FRMD4B: variants seen among roughly 807,000 people sequenced by gnomAD.
The protein encoded by FRMD4B is FERM domain-containing protein 4B.
FRMD4B carries 74 observed loss-of-function variants against 141.5 expected under a neutral mutation model. That is an observed-to-expected ratio of 0.52 (90% confidence interval 0.43 to 0.63). The LOEUF (loss-of-function observed/expected upper bound fraction) is 0.63. Among genes scored for constraint, FRMD4B ranks in the 30% least tolerant of loss-of-function variants. The pLI is 0.00. For missense variants in FRMD4B, 1,366 were observed against 1,253.4 expected (o/e 1.09, Z -1.36); for synonymous variants, 506 against 467.9 (o/e 1.08, Z -1.05).
Position 69,344,016 on chromosome 3 carries a change from C to T in FRMD4B, c.163-30499G>A, listed in dbSNP as rs78734554. 8.2e-3 allele frequency among the ~76,000 whole-genome samples: 1,247 copies of T among 152,238 alleles called. 25 individuals carry two copies. Among genetic ancestry groups the T allele is most frequent in the African/African-American group, 0.028 (1,170 of 41,538 alleles). On this transcript the variant is annotated intron_variant, in intron 1 of 22. Coordinates refer to ENST00000398540, the MANE Select transcript of FRMD4B (RefSeq NM_015123.3). The stretch of plus-strand genomic sequence containing the variant: ...CTGCATCTTATTCACCTCTGTAAGC[C>T]GAAGCCTGACACATTGCTGGTGCAG...
At chr3:69,200,358 T>C (rs973432401) in intron 11 of FRMD4B, 2 of 873,852 alleles carry the variant, frequency 2.3e-6, no homozygotes, top group South Asian at 5.0e-5. Flanking sequence ...AATAAAAGTA[T>C]AAAGTTACAT....
chr3:69,193,884 A>G lies in FRMD4B; in HGVS notation c.1489-11T>C. 1 of 1,521,248 alleles carries G rather than the reference A, an allele frequency of 6.6e-7. No homozygotes were observed. Among genetic ancestry groups the G allele is most frequent in the Non-Finnish European group, 9.1e-7 (1 of 1,103,750 alleles). The allele number at this position is 1,521,248 out of a possible 1,614,324, so 94.2% of individuals were successfully genotyped here. A position where few individuals can be genotyped will look rare whatever the true frequency, so the allele number is the denominator to read the frequency against. On this transcript the variant is annotated splice_polypyrimidine_tract_variant and intron_variant, in intron 16 of 22. Coordinates refer to ENST00000398540, the MANE Select transcript of FRMD4B (RefSeq NM_015123.3). ...TTGCAAAGCAGGATCCTGCATTTAT[A>G]CAATGATAGTTTTATTTTTATGGAC...
chr3:69,536,917 T>A (rs1436132698), intron 1 of FRMD4B, among the ~76,000 whole-genome samples: 3 of 152,002 alleles, frequency 2.0e-5, no homozygotes, highest in African/African-American at 4.8e-5. Flanking sequence ...CAGGTAATTT[T>A]AAAAATTTTA....
intron 9 of FRMD4B, 144 bp from the exon 10 acceptor site, chr3:69,218,523 A>G (rs893012029): frequency 4.9e-5 from 27 of 554,898 alleles, no homozygotes; most frequent in South Asian, 1.0e-4. Context: ...AACAGAATAA[A>G]CCATTTTGGG....
chr3:69,383,145 G>A (rs929723849), intron 1 of FRMD4B, among the ~76,000 whole-genome samples: 20 of 152,286 alleles, frequency 1.3e-4, no homozygotes, highest in African/African-American at 4.6e-4. Context: ...TATAAATGAT[G>A]AAGCTGAAGT....
chr3:69,281,324 G>C (rs2093643514), intron 5 of FRMD4B, among the ~76,000 whole-genome samples: 1 of 152,140 alleles, frequency 6.6e-6, no homozygotes, highest in Non-Finnish European at 1.5e-5. Context: ...GTGTTATTCA[G>C]TAATACCTGG....
chr3:69,258,174 C>G (rs1216871891), intron 5 of FRMD4B, among the ~76,000 whole-genome samples: 1 of 152,134 alleles, frequency 6.6e-6, no homozygotes, highest in African/African-American at 2.4e-5. Context: ...CCATGTTGCC[C>G]AGGTTGGTCT....
intron 1 of FRMD4B, among the ~76,000 whole-genome samples, chr3:69,490,301 A>G (rs1346627969): frequency 1.3e-5 from 2 of 152,246 alleles, no homozygotes; most frequent in Non-Finnish European, 2.9e-5. Context: ...AGTTTTCAGC[A>G]CTAGCCAGAA....
chr3:69,409,281 G>C (rs1302191260), intron 2 of FRMD4B, among the ~76,000 whole-genome samples: 1 of 152,152 alleles, frequency 6.6e-6, no homozygotes, highest in African/African-American at 2.4e-5. Flanking sequence ...TCTTTGAGTT[G>C]GAGAAGCAAA....
intron 2 of FRMD4B, among the ~76,000 whole-genome samples, chr3:69,430,015 C>A (rs1345927421): frequency 2.6e-5 from 4 of 152,040 alleles, no homozygotes; most frequent in African/African-American, 9.7e-5. Flanking sequence ...CCCACCTCAG[C>A]CTCCCAAAGT....
chr3:69,479,707 G>T (rs1157002800), intron 1 of FRMD4B, among the ~76,000 whole-genome samples: 1 of 152,140 alleles, frequency 6.6e-6, no homozygotes, highest in Non-Finnish European at 1.5e-5. Context: ...TTCTCAAAGA[G>T]TATTTTTGTG....
At chr3:69,449,213 C>T (rs547789424) in intron 1 of FRMD4B, among the ~76,000 whole-genome samples, 1 of 152,300 alleles carries the variant, frequency 6.6e-6, no homozygotes, top group East Asian at 1.9e-4. Flanking sequence ...CAGCGACCTC[C>T]ATACTGCACA....
rs911219242 is a variant in FRMD4B at position 69,510,126 on chromosome 3, A to T, written c.-129+32080T>A. On this transcript the variant is annotated intron_variant, in intron 1 of 5. Transcript: ENST00000459638. ...GTTTCCTCCTGAATATTCGTCCAGAACAATTTTGTCTACTTTAAGACAGGG... is the reference window on the plus strand; with the variant it reads ...GTTTCCTCCTGAATATTCGTCCAGATCAATTTTGTCTACTTTAAGACAGGG... 2.1e-4 allele frequency among the ~76,000 whole-genome samples: 32 copies of T among 152,142 alleles called. 2 individuals carry two copies. The highest frequency in any genetic ancestry group is 6.7e-4 in the African/African-American group (28 of 41,516).
chr3:69,415,901 C>G (rs1704850906), intron 2 of FRMD4B, among the ~76,000 whole-genome samples: 1 of 152,080 alleles, frequency 6.6e-6, no homozygotes, highest in Admixed American at 6.6e-5. Context: ...ACATTAAGGA[C>G]CAGATAAAAG....
At chr3:69,277,401 G>A (rs148942365) in intron 5 of FRMD4B, among the ~76,000 whole-genome samples, 137 of 151,904 alleles carry the variant, frequency 9.0e-4, no homozygotes, top group African/African-American at 3.0e-3. Flanking sequence ...AGGTTTTATC[G>A]TGGGGCCAGA....
upstream of FRMD4B, among the ~76,000 whole-genome samples, chr3:69,387,908 C>G (rs915858036): frequency 2.0e-5 from 3 of 151,880 alleles, no homozygotes; most frequent in African/African-American, 7.3e-5. Flanking sequence ...TATGTGCCAT[C>G]AGTATTAGTA....
At chr3:69,346,223 G>A (rs932517376) in intron 1 of FRMD4B, among the ~76,000 whole-genome samples, 3 of 152,070 alleles carry the variant, frequency 2.0e-5, no homozygotes, top group African/African-American at 7.2e-5. Flanking sequence ...GCGGAAGAAA[G>A]GGTATGAGTG....
intron 1 of FRMD4B, among the ~76,000 whole-genome samples, chr3:69,377,363 A>G (rs1198161254): frequency 3.3e-5 from 5 of 152,180 alleles, no homozygotes; most frequent in African/African-American, 1.2e-4. Flanking sequence ...AGCAGTCAGG[A>G]GACCTCTCTG....
intron 5 of FRMD4B, among the ~76,000 whole-genome samples, chr3:69,271,388 G>A (rs2093593604): frequency 6.6e-6 from 1 of 152,134 alleles, no homozygotes; most frequent in South Asian, 2.1e-4. Flanking sequence ...TTGGGCCTCA[G>A]TTTTTTATCT....
Sources: gnomAD v4.1 joint callset for allele counts (sites outside exome capture counted in the v4.1 genomes callset) on GRCh38, gnomAD v4.1.1 for gene constraint, MANE v1.5 for transcripts, NCBI Gene and HGNC (gene_info 2026-07-23, HGNC 2026-07-21) for gene names.